The following ZCCHC14 variants were observed in gnomAD, a reference collection of about 807,000 sequenced individuals.
ZCCHC14 encodes the protein zinc finger CCHC-type containing 14, also known as zinc finger CCHC domain-containing protein 14.
A neutral mutation model predicts 85.0 loss-of-function variants in ZCCHC14; 16 were observed. The observed-to-expected ratio is 0.19, with a 90% CI of 0.13 to 0.29. ZCCHC14 has a LOEUF of 0.29. Among genes scored for constraint, ZCCHC14 ranks in the 10% least tolerant of loss-of-function variants. The probability of loss-of-function intolerance (pLI) is 1.00; values close to 1 mark genes in which losing one functional copy is unlikely to be tolerated. For missense variants in ZCCHC14, 1,303 were observed against 1,443.5 expected, an observed-to-expected ratio of 0.90 and a Z score of 1.58; for synonymous variants, 775 against 630.7, an observed-to-expected ratio of 1.23 and a Z score of -3.43.
At chr16:87,424,772 T>A (rs554368249) in intron 3 of ZCCHC14, among the ~76,000 whole-genome samples, 117 of 152,170 alleles carry the variant, frequency 7.7e-4, no homozygotes, top group African/African-American at 2.8e-3. Flanking sequence ...AATAAGAAGT[T>A]AGCTACAGGA....
intron 1 of ZCCHC14, chr16:87,467,473 C>G (rs1911578001): frequency 6.2e-7 from 1 of 1,606,838 alleles, no homozygotes; most frequent in South Asian, 1.1e-5. Flanking sequence ...GTGAGTACCT[C>G]TGGAGGACAG....
chr16:87,484,292 A>G (rs1175924245), intron 1 of ZCCHC14, among the ~76,000 whole-genome samples: 1 of 152,226 alleles, frequency 6.6e-6, no homozygotes, highest in Non-Finnish European at 1.5e-5. Context: ...GGGACTTTCC[A>G]TGCAGCAGCC....
intron 1 of ZCCHC14, among the ~76,000 whole-genome samples, chr16:87,476,855 G>A (rs1429995595): frequency 2.0e-5 from 3 of 152,058 alleles, no homozygotes; most frequent in Non-Finnish European, 2.9e-5. Flanking sequence ...GGCCGGGCGC[G>A]GTGGCTCGTG....
intron 1 of ZCCHC14, among the ~76,000 whole-genome samples, chr16:87,482,340 A>C (rs192438442): frequency 5.1e-4 from 78 of 152,340 alleles, no homozygotes; most frequent in African/African-American, 1.9e-3. Context: ...GAGAAGTCTG[A>C]GGAATAACAT....
At chr16:87,451,624 T>C (rs893569108) in intron 2 of ZCCHC14, among the ~76,000 whole-genome samples, 3 of 152,288 alleles carry the variant, frequency 2.0e-5, no homozygotes, top group African/African-American at 7.2e-5. Flanking sequence ...GCGCCAGCCA[T>C]AAGTGATATA....
At chr16:87,449,767 G>C (rs367823168) in intron 2 of ZCCHC14, among the ~76,000 whole-genome samples, 3 of 152,180 alleles carry the variant, frequency 2.0e-5, no homozygotes, top group Non-Finnish European at 4.4e-5. Flanking sequence ...AGGATAAGCT[G>C]GGCATGGGGG....
Position 87,418,832 on chromosome 16 carries a change from T to C in ZCCHC14, c.1100+15A>G, listed in dbSNP as rs372785247. ...GCTTATCTGAACTGTGCTGGTTACA[T>C]AGAAGATTTCTCACCTTCCAGACAC... On this transcript the variant is annotated intron_variant, in intron 7 of 12. Coordinates refer to ENST00000671377, the MANE Select transcript of ZCCHC14 (RefSeq NM_015144.3). 95 of 1,611,598 alleles carry C rather than the reference T, an allele frequency of 5.9e-5. No individual in the cohort carries two copies. The highest frequency in any genetic ancestry group is 5.9e-4 in the African/African-American group (44 of 75,012).
rs370280458 is a variant in ZCCHC14 at position 87,436,836 on chromosome 16, G to A, written c.695-3635C>T. 7.2e-5 allele frequency among the ~76,000 whole-genome samples: 11 copies of A among 152,306 alleles called. No homozygotes were observed. In the South Asian group the frequency reaches 2.1e-3, roughly 29 times the overall value. The stretch of plus-strand genomic sequence containing the variant: ...ATGAAAACACTAAAACTAAACGATC[G>A]AAAGTGATGGGAACAGCTGTGTACG... On this transcript the variant is annotated intron_variant, in intron 2 of 12. Coordinates refer to ENST00000671377, the MANE Select transcript of ZCCHC14 (RefSeq NM_015144.3).
intron 3 of ZCCHC14, among the ~76,000 whole-genome samples, chr16:87,425,583 AAAAG>A (rs546914537): frequency 2.1e-3 from 326 of 151,944 alleles, no homozygotes; most frequent in Non-Finnish European, 3.8e-3. Context: ...TCAAAAAAAA[AAAAG>A]AAAGAAAGAA....
In ZCCHC14 at chr16:87,412,807, G is replaced by C; in HGVS notation, c.1914C>G (p.Ala638=). ...GCATGCGGATGGGTGTGATGTGTGA[G>C]GCTGCGCTCAGCATCTGCGGGGGCA... The part of the protein sequence containing the change: ...HPLPPQMLSA[A]SHITPIRMLN... Residue 638 remains alanine, a synonymous_variant, in exon 12 of 13, where the codon GCC becomes GCG. Transcript: ENST00000671377. 6.2e-7 allele frequency: 1 copy of C among 1,612,242 alleles called. No homozygotes were observed. Among genetic ancestry groups the C allele is most frequent in the Non-Finnish European group, 8.5e-7 (1 of 1,178,834 alleles).
intron 3 of ZCCHC14, among the ~76,000 whole-genome samples, chr16:87,431,405 G>A (rs1909651197): frequency 6.6e-6 from 1 of 150,610 alleles, no homozygotes; most frequent in African/African-American, 2.4e-5. Context: ...CCCGGGAGGC[G>A]GAGCTTACAG....
At chr16:87,463,716 G>A (rs1465936293) in intron 1 of ZCCHC14, among the ~76,000 whole-genome samples, 2 of 152,218 alleles carry the variant, frequency 1.3e-5, no homozygotes, top group African/African-American at 2.4e-5. Flanking sequence ...CCAGCTACTC[G>A]GGAGGCTGAG....
chr16:87,490,937 G>C (rs566093655), intron 1 of ZCCHC14, among the ~76,000 whole-genome samples: 1 of 152,234 alleles, frequency 6.6e-6, no homozygotes, highest in Non-Finnish European at 1.5e-5. Context: ...GCCCCAAGCA[G>C]GGCCTCCACC....
chr16:87,438,612 T>C (rs1161025563), intron 2 of ZCCHC14, among the ~76,000 whole-genome samples: 3 of 152,196 alleles, frequency 2.0e-5, no homozygotes, highest in African/African-American at 7.2e-5. Context: ...GGCCAATAGT[T>C]TGTAATCAAA....
chr16:87,440,027 G>A (rs1169815152), intron 2 of ZCCHC14, among the ~76,000 whole-genome samples: 3 of 152,012 alleles, frequency 2.0e-5, no homozygotes, highest in Non-Finnish European at 4.4e-5. Flanking sequence ...GGCTGCGCTC[G>A]AACTCCAGGG....
rs185319287 is a variant in ZCCHC14 at position 87,457,804 on chromosome 16, T to C, written c.694+2204A>G. Among the ~76,000 whole-genome samples, 739 of 152,326 alleles carry C rather than the reference T, an allele frequency of 4.9e-3. 18 individuals carry two copies. The highest frequency in any genetic ancestry group is 0.042 in the Admixed American group (642 of 15,306). On this transcript the variant is annotated intron_variant, in intron 2 of 12. Transcript: ENST00000671377. Reference sequence around the variant, plus strand: ...CAACAGAATATTAAAAGGATTCACATGAAAAGTGACTAAGAAAACCAAGTT... The same window carrying C: ...CAACAGAATATTAAAAGGATTCACACGAAAAGTGACTAAGAAAACCAAGTT...
At chr16:87,433,238 A>G (rs1457338122) in intron 2 of ZCCHC14, 37 bp from the exon 3 acceptor site, 1 of 1,581,496 alleles carries the variant, frequency 6.3e-7, no homozygotes, top group Non-Finnish European at 8.7e-7. Context: ...ATGAAATAAG[A>G]GCTTGAAGTA....
intron 3 of ZCCHC14, among the ~76,000 whole-genome samples, chr16:87,432,698 TG>T (rs560859393): frequency 4.7e-4 from 71 of 152,202 alleles, no homozygotes; most frequent in Admixed American, 8.5e-4. Flanking sequence ...TGATTCTTTG[TG>T]GTACCCAACT....
Position 87,412,615 on chromosome 16 carries a change from C to T in ZCCHC14, c.2106G>A (p.Ala702=), listed in dbSNP as rs373027101. 39 of 1,614,068 alleles carry T rather than the reference C, an allele frequency of 2.4e-5. No homozygotes were observed. Among genetic ancestry groups the T allele is most frequent in the Admixed American group, 1.5e-4 (9 of 60,014 alleles). ...FGSAMMDVLP[A]SAPHQPVQVL... Reference sequence around the variant, plus strand: ...CCTGCACAGGCTGGTGGGGTGCGGACGCGGGCAGCACGTCCATCATGGCGC... The same window carrying T: ...CCTGCACAGGCTGGTGGGGTGCGGATGCGGGCAGCACGTCCATCATGGCGC... The change falls in exon 12 of 13, where the codon GCG becomes GCA. Residue 702 remains alanine (A), a synonymous_variant. Transcript: ENST00000671377.
Sources: gnomAD v4.1 joint callset for allele counts (sites outside exome capture counted in the v4.1 genomes callset) on GRCh38, gnomAD v4.1.1 for gene constraint, MANE v1.5 for transcripts, NCBI Gene and HGNC (gene_info 2026-07-23, HGNC 2026-07-21) for gene names.